Variants in CD99L2 observed in about 807,000 individuals in gnomAD.
The protein encoded by CD99L2 is CD99 molecule like 2, also known as CD99 antigen-like protein 2.
CD99L2 carries 24 observed loss-of-function variants against 27.3 expected under a neutral mutation model. That is an observed-to-expected ratio of 0.88 (90% CI 0.64 to 1.24). CD99L2 has a LOEUF of 1.24. CD99L2 is among the 50% of genes most tolerant of loss of function. The probability of loss-of-function intolerance (pLI) is 0.00; values close to 1 mark genes in which losing one functional copy is unlikely to be tolerated. For synonymous variants in CD99L2, 97 were observed against 87.9 expected (o/e 1.10, Z -0.58); for missense variants, 255 against 221.6 (o/e 1.15, Z -0.96).
At chrX:150,776,398 G>T (rs1025173527) in intron 8 of CD99L2, 105 bp from the exon 9 acceptor site, 3 of 945,861 alleles carry the variant, frequency 3.2e-6, no homozygotes, top group Non-Finnish European at 4.2e-6. Context: ...ACTACTAGAC[G>T]CCCCCAACCC....
intron 2 of CD99L2, chrX:150,816,603 T>C (rs919716045): frequency 8.5e-6 from 1 of 117,374 alleles, no homozygotes; most frequent in Non-Finnish European, 1.8e-5. Flanking sequence ...TTGGTGGGAC[T>C]GTAAACTAGT....
intron 1 of CD99L2, among the ~76,000 whole-genome samples, chrX:150,844,077 C>T (rs2046663334): frequency 8.9e-6 from 1 of 112,315 alleles, no homozygotes; most frequent in African/African-American, 3.2e-5. Context: ...CAAGGAATAA[C>T]ACTCAAATCA....
chrX:150,856,633 A>G (rs1396088728), intron 1 of CD99L2, among the ~76,000 whole-genome samples: 2 of 110,141 alleles, frequency 1.8e-5, no homozygotes, highest in Non-Finnish European at 3.8e-5. Context: ...CATTTCTATA[A>G]AACTCTAGAA....
At chrX:150,832,825 A>G (rs1291605612) in intron 1 of CD99L2, among the ~76,000 whole-genome samples, 2 of 111,564 alleles carry the variant, frequency 1.8e-5, no homozygotes, top group Non-Finnish European at 3.8e-5. Flanking sequence ...CGAGGCGGGC[A>G]GATCACGAGG....
chrX:150,885,564 T>A (rs1022097456), intron 1 of CD99L2, among the ~76,000 whole-genome samples: 3 of 112,304 alleles, frequency 2.7e-5, no homozygotes, highest in Non-Finnish European at 5.6e-5. Flanking sequence ...TGGTTATCCC[T>A]AGGTAACGAG....
intron 10 of CD99L2, among the ~76,000 whole-genome samples, chrX:150,769,693 C>A (rs782285753): frequency 3.9e-5 from 3 of 77,700 alleles, no homozygotes; most frequent in African/African-American, 1.8e-4. Context: ...CACCAGGCCT[C>A]GGCTGCTCCC....
chrX:150,770,767 T>C (rs1000300751), intron 9 of CD99L2, among the ~76,000 whole-genome samples: 9 of 112,289 alleles, frequency 8.0e-5, no homozygotes, highest in Non-Finnish European at 1.3e-4. Context: ...CTATGAGTGA[T>C]TGATGGATGC....
chrX:150,795,209 C>G lies in CD99L2; in HGVS notation c.427G>C (p.Gly143Arg). The G allele has an allele frequency of 8.3e-7, 1 of 1,211,501 alleles. No homozygotes were observed. Among genetic ancestry groups the G allele is most frequent in the Non-Finnish European group, 1.1e-6 (1 of 895,284 alleles). The change falls in exon 6 of 11, where the codon GGA (glycine) becomes CGA (arginine). Residue 143 changes from glycine to arginine, a missense_variant. Transcript: ENST00000370377. ...DGRRKPIAGGGGFSDKDLEDI... is the reference protein window; with the variant it reads ...DGRRKPIAGGRGFSDKDLEDI... Reference sequence around the variant, plus strand: ...AACCAGACCAGGTGGGACTCACCTCCTCCTCCAGCAATTGGTTTCCTGCGG... The same window carrying G: ...AACCAGACCAGGTGGGACTCACCTCGTCCTCCAGCAATTGGTTTCCTGCGG...
At chrX:150,886,432 T>C (rs113463510) in intron 1 of CD99L2, among the ~76,000 whole-genome samples, 2,852 of 112,432 alleles carry the variant, frequency 0.025, 65 homozygotes, top group African/African-American at 0.07. Flanking sequence ...TGCCTTTGTA[T>C]TACAACTGCC....
intron 10 of CD99L2, 33 bp downstream of exon 10, chrX:150,770,271 G>A (rs368951606): frequency 2.7e-5 from 32 of 1,184,685 alleles, no homozygotes; most frequent in South Asian, 1.4e-4. Context: ...CTAGGAAAGC[G>A]TCAGCAAGGG....
chrX:150,816,357 C>T (rs2033361184), intron 2 of CD99L2: 8 of 337,302 alleles, frequency 2.4e-5, no homozygotes, highest in Non-Finnish European at 3.7e-5. Flanking sequence ...GGGCTTGCAC[C>T]CAGATCTGCT....
intron 10 of CD99L2, among the ~76,000 whole-genome samples, chrX:150,769,435 C>T (rs114820137): frequency 1.2e-4 from 14 of 112,857 alleles, no homozygotes; most frequent in African/African-American, 2.9e-4. Context: ...GGTGGCTAAC[C>T]GTGGCAAAGC....
chrX:150,816,436 C>A, intron 2 of CD99L2: 1 of 212,978 alleles, frequency 4.7e-6, no homozygotes, highest in Non-Finnish European at 8.5e-6. Context: ...AGCCTTGGTT[C>A]CACAACTATC....
At chrX:150,792,520 C>T (rs1331349510) in intron 7 of CD99L2, among the ~76,000 whole-genome samples, 1 of 112,029 alleles carries the variant, frequency 8.9e-6, no homozygotes, top group African/African-American at 3.2e-5. Context: ...TAAATTTAAC[C>T]ATGGTATCCT....
At chrX:150,882,576 A>G (rs954551057) in intron 1 of CD99L2, among the ~76,000 whole-genome samples, 21 of 110,054 alleles carry the variant, frequency 1.9e-4, no homozygotes, top group Non-Finnish European at 3.6e-4. Flanking sequence ...AATACTAAAA[A>G]TTAGCCAGAA....
At chrX:150,888,269 G>A (rs2047445386) in intron 1 of CD99L2, among the ~76,000 whole-genome samples, 1 of 111,942 alleles carries the variant, frequency 8.9e-6, no homozygotes, top group Admixed American at 9.5e-5. Flanking sequence ...GCCAAAGGGT[G>A]GAAACAACCC....
intron 1 of CD99L2, among the ~76,000 whole-genome samples, chrX:150,853,400 C>T (rs1015586427): frequency 9.0e-6 from 1 of 111,540 alleles, no homozygotes; most frequent in African/African-American, 3.3e-5. Context: ...ACCCCCCACC[C>T]ACCCACTTCA....
chrX:150,839,531 G>C (rs2046589422), intron 1 of CD99L2, among the ~76,000 whole-genome samples: 1 of 111,753 alleles, frequency 8.9e-6, no homozygotes, highest in Non-Finnish European at 1.9e-5. Context: ...GTCAGGAAGA[G>C]AGTATCCTTG....
At chrX:150,779,008 C>T (rs2045465327) in intron 7 of CD99L2, among the ~76,000 whole-genome samples, 1 of 111,572 alleles carries the variant, frequency 9.0e-6, no homozygotes, top group Non-Finnish European at 1.9e-5. Context: ...CTAATGTATT[C>T]ATGTCACTAG....
Sources: allele counts gnomAD v4.1 joint callset (sites outside exome capture counted in the v4.1 genomes callset), GRCh38; gene constraint gnomAD v4.1.1; transcripts MANE v1.5; gene names NCBI Gene and HGNC (gene_info 2026-07-23, HGNC 2026-07-21).